Variants in CLDN10 observed in about 807,000 individuals in gnomAD.
CLDN10 encodes claudin-10.
In CLDN10, 15 loss-of-function variants were observed where a neutral mutation model predicts 22.9. The observed-to-expected ratio is 0.65, with a 90% CI of 0.44 to 1.01. CLDN10 has a LOEUF of 1.01. Among genes scored for constraint, CLDN10 ranks in the 50% least tolerant of loss-of-function variants. The pLI is 0.00. For missense variants in CLDN10, 247 were observed against 287.8 expected (o/e 0.86, Z 1.03); for synonymous variants, 114 against 111.4 (o/e 1.02, Z -0.15).
At chr13:95,563,826 T>C (rs975144472) in intron 3 of CLDN10, among the ~76,000 whole-genome samples, 3 of 152,220 alleles carry the variant, frequency 2.0e-5, no homozygotes, top group Non-Finnish European at 2.9e-5. Context: ...TGACTTCACT[T>C]GGTTTCCGTT....
At chr13:95,560,640 TTTAA>T in intron 3 of CLDN10, 177 bp downstream of exon 3, 1 of 599,818 alleles carries the variant, frequency 1.7e-6, no homozygotes, top group Admixed American at 3.0e-5. Flanking sequence ...AAAATATGCA[TTTAA>T]TTAGTTTGCT....
upstream of CLDN10, among the ~76,000 whole-genome samples, chr13:95,550,962 T>C (rs542384517): frequency 2.6e-5 from 4 of 151,398 alleles, no homozygotes; most frequent in East Asian, 2.0e-4. Context: ...TGTGAGCCAC[T>C]GCGCCCAGCC....
Position 95,542,077 on chromosome 13 carries a change from C to T in CLDN10, c.215-18055C>T, listed in dbSNP as rs981580385. On this transcript the variant is annotated intron_variant, in intron 1 of 4. Coordinates refer to the CLDN10 transcript ENST00000376873. Reference sequence around the variant, plus strand: ...TGGAAGCTTGCATGTCACATGGTCACATGGCCAGAGCAAGAGCAAGAGAGC... The same window carrying T: ...TGGAAGCTTGCATGTCACATGGTCATATGGCCAGAGCAAGAGCAAGAGAGC... 5.3e-5 allele frequency among the ~76,000 whole-genome samples: 8 copies of T among 152,332 alleles called. No individual in the cohort carries two copies. The East Asian group carries it at 1.5e-3, about 29-fold the overall frequency.
chr13:95,578,186 T>C lies in CLDN10; in HGVS notation c.*172T>C. 2 of 424,468 alleles carry C rather than the reference T, an allele frequency of 4.7e-6. No individual in the cohort carries two copies. Among genetic ancestry groups the C allele is most frequent in the Admixed American group, 4.2e-5 (1 of 24,064 alleles). 26.3% of individuals were successfully genotyped at this position (424,468 alleles called of 1,614,324 possible). On this transcript the variant is annotated 3_prime_UTR_variant, in exon 5 of 5. Coordinates refer to ENST00000299339, the MANE Select transcript of CLDN10 (RefSeq NM_006984.5). The stretch of plus-strand genomic sequence containing the variant: ...TGTTCTTACATAGTTAGTTATATAC[T>C]AATCATTTTCTGTTGTGGCTTTCTA...
At chr13:95,520,532 C>A (rs2043213517) in intron 1 of CLDN10, among the ~76,000 whole-genome samples, 1 of 152,120 alleles carries the variant, frequency 6.6e-6, no homozygotes, top group African/African-American at 2.4e-5. Flanking sequence ...GGCTTCCATG[C>A]CCTGCTACTT....
At chr13:95,533,580 T>A (rs886252172) in intron 1 of CLDN10, 1 of 152,088 alleles carries the variant, frequency 6.6e-6, no homozygotes, top group African/African-American at 2.4e-5. Context: ...ATTGTACAGG[T>A]ATAAGAAGGT....
chr13:95,516,510 T>C (rs1341209269), intron 1 of CLDN10, among the ~76,000 whole-genome samples: 1 of 145,728 alleles, frequency 6.9e-6, no homozygotes, highest in African/African-American at 2.6e-5. Context: ...TCAAGCTTTT[T>C]CTATTTTAAC....
At chr13:95,487,335 G>T (rs950732238) in intron 1 of CLDN10, among the ~76,000 whole-genome samples, 68 of 152,240 alleles carry the variant, frequency 4.5e-4, no homozygotes, top group African/African-American at 1.5e-3. Flanking sequence ...AATCATTTTT[G>T]AATATTCAGT....
chr13:95,509,428 A>G (rs1356245185), intron 1 of CLDN10, among the ~76,000 whole-genome samples: 1 of 152,134 alleles, frequency 6.6e-6, no homozygotes, highest in Non-Finnish European at 1.5e-5. Flanking sequence ...ATCGAGGAAA[A>G]TTGAGCATAA....
chr13:95,559,515 T>C, intron 1 of CLDN10, among the ~76,000 whole-genome samples: 1 of 152,216 alleles, frequency 6.6e-6, no homozygotes, highest in East Asian at 1.9e-4. Context: ...AAAACAATAG[T>C]ACTTCACTAA....
At chr13:95,516,597 A>C (rs1311188180) in intron 1 of CLDN10, among the ~76,000 whole-genome samples, 1 of 152,210 alleles carries the variant, frequency 6.6e-6, no homozygotes, top group Non-Finnish European at 1.5e-5. Flanking sequence ...TCCCCAAAGG[A>C]AACCAATTTT....
chr13:95,482,877 G>C (rs547662286), intron 1 of CLDN10, among the ~76,000 whole-genome samples: 1 of 152,242 alleles, frequency 6.6e-6, no homozygotes, highest in South Asian at 2.1e-4. Context: ...TACTCCGGAG[G>C]CTAAGACAGG....
At chr13:95,435,563 A>G (rs934844950) in intron 1 of CLDN10, among the ~76,000 whole-genome samples, 1 of 152,198 alleles carries the variant, frequency 6.6e-6, no homozygotes, top group African/African-American at 2.4e-5. Flanking sequence ...TGAGGACTCC[A>G]TGCTATGTCT....
intron 1 of CLDN10, among the ~76,000 whole-genome samples, chr13:95,470,547 A>T (rs1412773289): frequency 6.6e-6 from 1 of 152,180 alleles, no homozygotes; most frequent in African/African-American, 2.4e-5. Flanking sequence ...GTCAAAGTTC[A>T]GTCTCTATTT....
At chr13:95,548,134 G>A (rs2043529167), upstream of CLDN10, among the ~76,000 whole-genome samples, 1 of 152,198 alleles carries the variant, frequency 6.6e-6, no homozygotes, top group Non-Finnish European at 1.5e-5. Context: ...CGACCTGGGT[G>A]GGAGGTTATA....
intron 1 of CLDN10, among the ~76,000 whole-genome samples, chr13:95,466,031 GTTTA>G (rs1166890661): frequency 6.6e-6 from 1 of 151,402 alleles, no homozygotes; most frequent in African/African-American, 2.4e-5. Context: ...GTATGTTTAT[GTTTA>G]TTTATTTATT....
At chr13:95,448,489 A>AGAAAGAC (rs1175278217) in intron 1 of CLDN10, among the ~76,000 whole-genome samples, 2 of 152,198 alleles carry the variant, frequency 1.3e-5, no homozygotes, top group Non-Finnish European at 2.9e-5. Context: ...TCGGAGGGAA[A>AGAAAGAC]GAAAGACTTA....
intron 3 of CLDN10, among the ~76,000 whole-genome samples, chr13:95,574,269 T>C (rs532101570): frequency 2.0e-5 from 3 of 151,848 alleles, no homozygotes; most frequent in East Asian, 1.9e-4. Flanking sequence ...TGTCTTTCAA[T>C]AGAAAGAAGG....
chr13:95,439,672 G>A (rs922083198), intron 1 of CLDN10, among the ~76,000 whole-genome samples: 1 of 151,864 alleles, frequency 6.6e-6, no homozygotes, highest in Non-Finnish European at 1.5e-5. Flanking sequence ...TCCTATTCAT[G>A]AGGGCTCTGC....
Sources: gnomAD v4.1 joint callset for allele counts (sites outside exome capture counted in the v4.1 genomes callset) on GRCh38, gnomAD v4.1.1 for gene constraint, MANE v1.5 for transcripts, NCBI Gene and HGNC (gene_info 2026-07-23, HGNC 2026-07-21) for gene names.